OSBPL9: variants seen among roughly 807,000 people sequenced by gnomAD.
OSBPL9 encodes the protein oxysterol binding protein like 9.
Under a neutral mutation model 106.6 loss-of-function variants are expected in OSBPL9, and 40 were observed. The ratio of observed to expected loss-of-function variants is 0.38; its 90% CI spans 0.29 to 0.49. The LOEUF is 0.49. OSBPL9 is among the 20% of genes least tolerant of loss of function. The pLI, the probability that OSBPL9 is intolerant of heterozygous loss-of-function variation, is 0.97. For synonymous variants in OSBPL9, 269 were observed against 295.4 expected, an observed-to-expected ratio of 0.91 and a Z score of 0.92; for missense variants, 609 against 887.2, an observed-to-expected ratio of 0.69 and a Z score of 3.98.
At chr1:51,751,857 A>G (rs1410050714) in intron 8 of OSBPL9, among the ~76,000 whole-genome samples, 5 of 152,168 alleles carry the variant, frequency 3.3e-5, no homozygotes, top group African/African-American at 1.2e-4. Flanking sequence ...TGTACTTGCT[A>G]CCTGTCTGTG....
At position 51,787,775 on chromosome 1, in the gene OSBPL9, G is replaced by A. The variant is rs774840888; in HGVS notation, c.2197G>A (p.Ala733Thr). 6.2e-7 allele frequency: 1 copy of A among 1,612,934 alleles called. No individual in the cohort carries two copies. Among genetic ancestry groups the A allele is most frequent in the Non-Finnish European group, 8.5e-7 (1 of 1,179,228 alleles). Residue 733 changes from alanine (A) to threonine (T), a missense_variant, in exon 24 of 24, where the codon GCT becomes ACT. By Grantham distance (58) the Ala-to-Thr change is moderately conservative. Transcript: ENST00000428468. ...TGAACCATTACTGAAACGTCTTGGT[G>A]CTGCCAAGCATTAGGTTGGAAGATG... ...YDEPLLKRLG[A>T]AKH
intron 3 of OSBPL9, among the ~76,000 whole-genome samples, chr1:51,712,180 G>A (rs1158027192): frequency 3.3e-5 from 5 of 152,248 alleles, no homozygotes; most frequent in Non-Finnish European, 2.9e-5. Context: ...GGAGGCCGAG[G>A]CTGGCGGATC....
chr1:51,727,154 A>AT, intron 4 of OSBPL9, among the ~76,000 whole-genome samples: 1 of 52,344 alleles, frequency 1.9e-5, no homozygotes, highest in Non-Finnish European at 4.1e-5. Context: ...TTTTTTTTTT[A>AT]CTGGCTTAGA....
At chr1:51,546,708 A>C in the OSBPL9 span, among the ~76,000 whole-genome samples, 7 of 151,884 alleles carry the variant, frequency 4.6e-5, no homozygotes, top group Non-Finnish European at 8.8e-5. Flanking sequence ...AAAAAAAAAA[A>C]CAAAAAACAC....
chr1:51,543,088 G>A, the OSBPL9 span, among the ~76,000 whole-genome samples: 6 of 152,176 alleles, frequency 3.9e-5, no homozygotes, highest in African/African-American at 1.4e-4. Flanking sequence ...GTAATCCTGG[G>A]GCAAGGATTC....
At chr1:51,727,402 C>T (rs1372347422) in intron 4 of OSBPL9, among the ~76,000 whole-genome samples, 2 of 151,962 alleles carry the variant, frequency 1.3e-5, no homozygotes, top group Non-Finnish European at 2.9e-5. Context: ...TTGAGGACTT[C>T]GTATGTGCCA....
intron 4 of OSBPL9, among the ~76,000 whole-genome samples, chr1:51,722,804 A>G (rs1044270831): frequency 3.3e-5 from 5 of 152,356 alleles, no homozygotes; most frequent in South Asian, 2.1e-4. Flanking sequence ...AAGTTTCTAC[A>G]TGGAAATTGA....
chr1:51,654,543 CAG>C (rs1646708325), intron 2 of OSBPL9, among the ~76,000 whole-genome samples: 1 of 151,968 alleles, frequency 6.6e-6, no homozygotes, highest in African/African-American at 2.4e-5. Flanking sequence ...GGGACTGAAA[CAG>C]ATGCTTATAT....
intron 1 of OSBPL9, among the ~76,000 whole-genome samples, chr1:51,588,697 T>C (rs539604754): frequency 2.6e-4 from 40 of 152,268 alleles, no homozygotes; most frequent in South Asian, 2.1e-3. Flanking sequence ...ACAATAAGCA[T>C]TCAATAAGAT....
intron 4 of OSBPL9, among the ~76,000 whole-genome samples, chr1:51,741,183 C>T (rs1009590618): frequency 2.0e-5 from 3 of 152,144 alleles, no homozygotes; most frequent in Non-Finnish European, 4.4e-5. Flanking sequence ...TACCGACATA[C>T]AGTTTTGAGG....
intron 1 of OSBPL9, among the ~76,000 whole-genome samples, chr1:51,640,382 ATCT>A (rs1264660626): frequency 2.0e-5 from 3 of 152,230 alleles, no homozygotes; most frequent in African/African-American, 4.8e-5. Context: ...AACTGAACTA[ATCT>A]TCTAAAAGCT....
chr1:51,691,225 A>T (rs971449363), intron 3 of OSBPL9, among the ~76,000 whole-genome samples: 5 of 151,680 alleles, frequency 3.3e-5, no homozygotes, highest in Non-Finnish European at 7.4e-5. Context: ...AGATTTATTT[A>T]AAAATTTTTT....
chr1:51,768,299 G>A (rs750027001), intron 12 of OSBPL9, among the ~76,000 whole-genome samples: 4 of 151,020 alleles, frequency 2.6e-5, no homozygotes, highest in East Asian at 2.0e-4. Flanking sequence ...GTGCAATCTC[G>A]GCCTCCTGGG....
chr1:51,771,485 G>T (rs577117421), intron 12 of OSBPL9, among the ~76,000 whole-genome samples: 1 of 151,968 alleles, frequency 6.6e-6, no homozygotes, highest in Non-Finnish European at 1.5e-5. Flanking sequence ...ATAAATATAC[G>T]TGCGTGTGCG....
chr1:51,559,132 G>A, the OSBPL9 span, among the ~76,000 whole-genome samples: 3 of 152,132 alleles, frequency 2.0e-5, no homozygotes, highest in African/African-American at 7.2e-5. Flanking sequence ...AGGAGGGATG[G>A]GGAGGGGATC....
intron 4 of OSBPL9, among the ~76,000 whole-genome samples, chr1:51,719,771 T>C (rs766611812): frequency 3.9e-5 from 6 of 152,136 alleles, no homozygotes; most frequent in Non-Finnish European, 8.8e-5. Context: ...AGGTTTAAAA[T>C]CTTATAGAAC....
chr1:51,620,478 T>C (rs922356468), intron 1 of OSBPL9, among the ~76,000 whole-genome samples: 3 of 152,050 alleles, frequency 2.0e-5, no homozygotes, highest in African/African-American at 4.8e-5. Context: ...GGGGGATACA[T>C]AGGTGGGCTA....
At chr1:51,626,785 G>T (rs547414211) in intron 1 of OSBPL9, among the ~76,000 whole-genome samples, 82 of 152,184 alleles carry the variant, frequency 5.4e-4, no homozygotes, top group African/African-American at 1.7e-3. Context: ...CTTCCAAAGT[G>T]CTGGGATTAC....
chr1:51,729,697 C>T lies in OSBPL9; in HGVS notation c.318+15618C>T. On this transcript the variant is annotated intron_variant, in intron 4 of 23. Coordinates refer to ENST00000428468, the MANE Select transcript of OSBPL9 (RefSeq NM_024586.6). The surrounding 1 kb of genome is among the most constrained non-coding windows in gnomAD (Gnocchi z 5.1). ...CCAACCGCCAATCGTCTGCCTCTCA[C>T]CTCCTACAGCAGGTGACCCATGGCC... 1 of 604,282 alleles carries T rather than the reference C, an allele frequency of 1.7e-6. No individual in the cohort carries two copies. The highest frequency in any genetic ancestry group is 2.4e-6 in the Non-Finnish European group (1 of 423,186). 37.4% of individuals were successfully genotyped at this position (604,282 alleles called of 1,614,324 possible).
Sources: gnomAD v4.1 joint callset for allele counts (sites outside exome capture counted in the v4.1 genomes callset) on GRCh38, gnomAD v4.1.1 for gene constraint, Gnocchi (gnomAD v3.1) non-coding constraint, MANE v1.5 for transcripts, NCBI Gene and HGNC (gene_info 2026-07-23, HGNC 2026-07-21) for gene names.